Variants in NTM observed in about 807,000 individuals in gnomAD.
The protein encoded by NTM is neurotrimin.
In NTM, 13 loss-of-function variants were observed where a neutral mutation model predicts 42.1. That is an observed-to-expected ratio of 0.31 (90% CI 0.20 to 0.49). The LOEUF (loss-of-function observed/expected upper bound fraction) is 0.49. Among genes scored for constraint, NTM ranks in the 20% least tolerant of loss-of-function variants. The probability of loss-of-function intolerance (pLI) is 0.99; values close to 1 mark genes in which losing one functional copy is unlikely to be tolerated. For synonymous variants in NTM, 187 were observed against 179.2 expected, an observed-to-expected ratio of 1.04 and a Z score of -0.35; for missense variants, 373 against 452.8, an observed-to-expected ratio of 0.82 and a Z score of 1.60.
chr11:131,853,517 G>A (rs2045798189), intron 1 of NTM, among the ~76,000 whole-genome samples: 1 of 152,152 alleles, frequency 6.6e-6, no homozygotes, highest in Non-Finnish European at 1.5e-5. Flanking sequence ...TCCTGCATTA[G>A]TTTGCTAACG....
chr11:131,761,870 A>C (rs1041489172), intron 1 of NTM, among the ~76,000 whole-genome samples: 3 of 151,934 alleles, frequency 2.0e-5, no homozygotes, highest in African/African-American at 7.2e-5. Flanking sequence ...TAATAAATGC[A>C]GAGGAGGAAG....
At chr11:131,813,658 T>C (rs1212206897) in intron 1 of NTM, among the ~76,000 whole-genome samples, 4 of 152,144 alleles carry the variant, frequency 2.6e-5, no homozygotes, top group Admixed American at 2.6e-4. Context: ...TTCACTGAGT[T>C]CCCCCAATAA....
In NTM at chr11:131,639,792, C is replaced by A. The variant is rs182176396; in HGVS notation, c.82+268904C>A. Among the ~76,000 whole-genome samples, 590 of 152,028 alleles carry A rather than the reference C, an allele frequency of 3.9e-3. 4 individuals are homozygous for A. Among genetic ancestry groups the A allele is most frequent in the African/African-American group, 0.013 (547 of 41,476 alleles). On this transcript the variant is annotated intron_variant, in intron 1 of 8. Transcript: ENST00000683400. ...CCAACATGGTGAAACCCCATCTTTA[C>A]TAAAAATACAAAAATTAGCCGGGTG... is the stretch of plus-strand genomic sequence containing the variant.
chr11:132,038,641 C>G (rs1474473802), intron 2 of NTM, among the ~76,000 whole-genome samples: 2 of 152,182 alleles, frequency 1.3e-5, no homozygotes, highest in Admixed American at 1.3e-4. Context: ...GCTGCTGTTG[C>G]TGCACTTACT....
chr11:132,020,730 T>C (rs1389447184), intron 2 of NTM, among the ~76,000 whole-genome samples: 3 of 152,170 alleles, frequency 2.0e-5, no homozygotes, highest in Admixed American at 2.0e-4. Context: ...TGGCCTTCAT[T>C]ATTTCAGATG....
intron 2 of NTM, among the ~76,000 whole-genome samples, chr11:132,007,624 G>T (rs1465264945): frequency 6.6e-6 from 1 of 152,192 alleles, no homozygotes; most frequent in East Asian, 1.9e-4. Flanking sequence ...GTGCATCAGA[G>T]AAGCTTACTA....
intron 1 of NTM, among the ~76,000 whole-genome samples, chr11:131,732,075 C>T (rs934965253): frequency 6.6e-6 from 1 of 152,220 alleles, no homozygotes; most frequent in East Asian, 1.9e-4. Flanking sequence ...TGGACCCCCA[C>T]GTATTCATCT....
chr11:132,217,701 T>G (rs906250847), intron 4 of NTM, among the ~76,000 whole-genome samples: 4 of 151,998 alleles, frequency 2.6e-5, no homozygotes, highest in Non-Finnish European at 5.9e-5. Context: ...GATCTCTTCC[T>G]TCCCACCTCA....
At chr11:131,568,086 A>G (rs1029394825) in intron 1 of NTM, among the ~76,000 whole-genome samples, 5 of 152,244 alleles carry the variant, frequency 3.3e-5, no homozygotes, top group African/African-American at 4.8e-5. Flanking sequence ...TCCTCTCGAC[A>G]GCCGAAGGAG....
intron 2 of NTM, among the ~76,000 whole-genome samples, chr11:132,014,983 G>A (rs2073109102): frequency 6.6e-6 from 1 of 151,702 alleles, no homozygotes; most frequent in South Asian, 2.1e-4. Context: ...CTGTCCTGGA[G>A]TGTTTCCCCC....
At chr11:132,097,149 G>C (rs1412157066) in intron 2 of NTM, among the ~76,000 whole-genome samples, 1 of 152,214 alleles carries the variant, frequency 6.6e-6, no homozygotes, top group Non-Finnish European at 1.5e-5. Context: ...GTTACAGAGA[G>C]GCTGCTTAAG....
At chr11:132,330,007 G>A in intron 7 of NTM, 146 bp from the exon 8 acceptor site, 1 of 1,320,482 alleles carries the variant, frequency 7.6e-7, no homozygotes, top group Non-Finnish European at 1.0e-6. Context: ...CTGGGCAGTG[G>A]TCAGGACAGC....
chr11:132,098,947 A>G (rs746818151), intron 2 of NTM, among the ~76,000 whole-genome samples: 5 of 152,226 alleles, frequency 3.3e-5, no homozygotes, highest in African/African-American at 9.6e-5. Flanking sequence ...TTGTGCAAAC[A>G]TTATGTTCAT....
chr11:131,418,189 A>C (rs1947143879), intron 1 of NTM, among the ~76,000 whole-genome samples: 2 of 152,218 alleles, frequency 1.3e-5, no homozygotes, highest in African/African-American at 4.8e-5. Flanking sequence ...AGACTGATAG[A>C]GACCTTTAAA....
At chr11:132,182,128 C>A (rs560706863) in intron 3 of NTM, among the ~76,000 whole-genome samples, 2 of 152,176 alleles carry the variant, frequency 1.3e-5, no homozygotes, top group South Asian at 4.2e-4. Context: ...ATATATCAGT[C>A]AAGCTAGAAA....
At chr11:131,487,451 A>G (rs187468810) in intron 1 of NTM, among the ~76,000 whole-genome samples, 6 of 152,358 alleles carry the variant, frequency 3.9e-5, no homozygotes, top group Middle Eastern at 3.4e-3. Context: ...AAGGTTACCA[A>G]GCTAGTAAAT....
intron 1 of NTM, chr11:131,371,090 G>C: frequency 1.0e-6 from 1 of 985,402 alleles, no homozygotes; most frequent in African/African-American, 1.7e-5. Flanking sequence ...CGGAATGGGG[G>C]AATATGTATG....
Position 131,402,000 on chromosome 11 carries a change from T to A in NTM, c.82+31112T>A, listed in dbSNP as rs567479032. ...CATCAAAGTCTTGGCAGAAGACACC[T>A]TGCTCTTGTGGAATAGCATGCCCTG... On this transcript the variant is annotated intron_variant, in intron 1 of 8. Transcript: ENST00000683400. 3.3e-5 allele frequency among the ~76,000 whole-genome samples: 5 copies of A among 151,128 alleles called. No homozygotes were observed. The South Asian group carries it at 1.1e-3, about 32-fold the overall frequency.
intron 1 of NTM, among the ~76,000 whole-genome samples, chr11:131,657,216 C>A (rs564355890): frequency 6.6e-6 from 1 of 151,306 alleles, no homozygotes; most frequent in African/African-American, 2.4e-5. Context: ...CAGCATCAAG[C>A]GCTGGCCCAG....
Sources: gnomAD v4.1 joint callset for allele counts (sites outside exome capture counted in the v4.1 genomes callset) on GRCh38, gnomAD v4.1.1 for gene constraint, MANE v1.5 for transcripts, NCBI Gene and HGNC (gene_info 2026-07-23, HGNC 2026-07-21) for gene names.